Variants in ARHGAP29 observed in about 807,000 individuals in gnomAD.
The protein encoded by ARHGAP29 is rho GTPase-activating protein 29.
A neutral mutation model predicts 122.6 loss-of-function variants in ARHGAP29; 43 were observed. The ratio of observed to expected loss-of-function variants is 0.35; its 90% CI spans 0.27 to 0.45. The LOEUF is 0.45. ARHGAP29 is among the 20% of genes least tolerant of loss of function. ARHGAP29 has a pLI of 1.00. For synonymous variants in ARHGAP29, 506 were observed against 497.1 expected, an observed-to-expected ratio of 1.02 and a Z score of -0.24; for missense variants, 1,303 against 1,477.2, an observed-to-expected ratio of 0.88 and a Z score of 1.93.
Position 94,215,890 on chromosome 1 carries a change from C to T in ARHGAP29, c.340+4368G>A, listed in dbSNP as rs1651931447. Among the ~76,000 whole-genome samples the T allele has an allele frequency of 2.0e-5, 3 of 151,942 alleles. No homozygotes were observed. In the South Asian group the frequency reaches 6.2e-4, roughly 32 times the overall value. Reference sequence around the variant, plus strand: ...AGGAGACCTACCAGCAAAAGAAAAGCAGATAAAAGGTCAATTAACATAAAA... The same window carrying T: ...AGGAGACCTACCAGCAAAAGAAAAGTAGATAAAAGGTCAATTAACATAAAA... On this transcript the variant is annotated intron_variant, in intron 3 of 22. Transcript: ENST00000260526.
Position 94,258,080 on chromosome 1 carries a change from A to T in ARHGAP29, c.-33+16932T>A, listed in dbSNP as rs779770474. 8.0e-4 allele frequency among the ~76,000 whole-genome samples: 122 copies of T among 152,292 alleles called. 1 individual carries two copies. The highest frequency in any genetic ancestry group is 3.4e-4 in the Non-Finnish European group (23 of 68,024). ...AGAAGCTCAAAACTCAAAACCCTAG[A>T]CAAACAGAGAGACAAGACCTCCTGC... On this transcript the variant is annotated intron_variant and NMD_transcript_variant, in intron 1 of 25. Transcript: ENST00000552844.
intron 5 of ARHGAP29, among the ~76,000 whole-genome samples, chr1:94,208,012 T>C (rs1487785037): frequency 6.6e-6 from 1 of 152,108 alleles, no homozygotes; most frequent in African/African-American, 2.4e-5. Flanking sequence ...ATCTGGCTAA[T>C]TTTTTGTAGG....
At chr1:94,268,392 C>T (rs1231981138) in intron 1 of ARHGAP29, among the ~76,000 whole-genome samples, 3 of 152,120 alleles carry the variant, frequency 2.0e-5, no homozygotes, top group Non-Finnish European at 2.9e-5. Flanking sequence ...CTCCCCTACT[C>T]CTGCCACATC....
chr1:94,256,180 T>G (rs1416020361), intron 1 of ARHGAP29, among the ~76,000 whole-genome samples: 1 of 152,240 alleles, frequency 6.6e-6, no homozygotes, highest in Non-Finnish European at 1.5e-5. Flanking sequence ...AGCAGGACTC[T>G]CTCCGACATA....
the ARHGAP29 span, among the ~76,000 whole-genome samples, chr1:94,300,697 C>T: frequency 1.3e-5 from 2 of 152,150 alleles, no homozygotes; most frequent in East Asian, 3.9e-4. Context: ...GATAGGGGAC[C>T]ATATTTATTT....
At chr1:94,239,510 GA>G (rs1466028264), upstream of ARHGAP29, among the ~76,000 whole-genome samples, 3 of 151,846 alleles carry the variant, frequency 2.0e-5, no homozygotes, top group Non-Finnish European at 4.4e-5. Context: ...GAAAAGCAGG[GA>G]AAGAGAGACA....
In ARHGAP29 at chr1:94,186,554, A is replaced by G. The variant is rs1016959845; in HGVS notation, c.1725T>C (p.Thr575=). 2 of 1,613,844 alleles carry G rather than the reference A, an allele frequency of 1.2e-6. No homozygotes were observed. Among genetic ancestry groups the G allele is most frequent in the Non-Finnish European group, 1.7e-6 (2 of 1,179,804 alleles). ...CATCTAGATCATCTGCAGAGGACAT[A>G]GTTCCACTGGATGGTGTTCGTGGAA... ...RKLPRTPSSG[T]MSSADDLDER... Residue 575 remains threonine (T), a synonymous_variant, in exon 16 of 23, where the codon ACT becomes ACC. Coordinates refer to ENST00000260526, the MANE Select transcript of ARHGAP29 (RefSeq NM_004815.4).
At chr1:94,193,661 C>T (rs1650265320) in intron 12 of ARHGAP29, 1 of 152,152 alleles carries the variant, frequency 6.6e-6, no homozygotes, top group African/African-American at 2.4e-5. Flanking sequence ...AGTGAAAGAA[C>T]TGATTTCTGT....
At chr1:94,212,725 A>G (rs763726729) in intron 3 of ARHGAP29, among the ~76,000 whole-genome samples, 1 of 152,198 alleles carries the variant, frequency 6.6e-6, no homozygotes, top group East Asian at 1.9e-4. Context: ...AGTTATAGCC[A>G]TCTAATGAAA....
intron 3 of ARHGAP29, among the ~76,000 whole-genome samples, chr1:94,215,556 A>C (rs1169694587): frequency 6.6e-6 from 1 of 152,144 alleles, no homozygotes; most frequent in Non-Finnish European, 1.5e-5. Flanking sequence ...GTGACATCTC[A>C]AATTAGTGGC....
chr1:94,191,741 T>C (rs998388307), intron 12 of ARHGAP29: 11 of 152,224 alleles, frequency 7.2e-5, no homozygotes, highest in Admixed American at 7.2e-4. Context: ...ATGTAGATTA[T>C]GGTTCTAAGG....
chr1:94,200,309 T>C (rs1650759597), intron 12 of ARHGAP29, among the ~76,000 whole-genome samples: 1 of 152,184 alleles, frequency 6.6e-6, no homozygotes, highest in African/African-American at 2.4e-5. Context: ...AGATGCTCAA[T>C]ATCGTTAATC....
chr1:94,221,678 T>A (rs1048670859), intron 2 of ARHGAP29, among the ~76,000 whole-genome samples: 5 of 150,984 alleles, frequency 3.3e-5, no homozygotes, highest in African/African-American at 1.2e-4. Context: ...TATGTATATA[T>A]GTATATATAA....
At chr1:94,285,830 G>A in the ARHGAP29 span, among the ~76,000 whole-genome samples, 1 of 143,242 alleles carries the variant, frequency 7.0e-6, no homozygotes, top group Admixed American at 7.3e-5. Flanking sequence ...AGCCAAGATT[G>A]CGCCACTATA....
intron 22 of ARHGAP29, chr1:94,177,282 T>C (rs1439785481): frequency 2.6e-5 from 5 of 194,650 alleles, no homozygotes; most frequent in Non-Finnish European, 2.1e-5. Flanking sequence ...AACTGGAAGA[T>C]ACTAACGAAT....
intron 1 of ARHGAP29, among the ~76,000 whole-genome samples, chr1:94,273,115 T>C (rs960160455): frequency 6.6e-6 from 1 of 152,190 alleles, no homozygotes; most frequent in Non-Finnish European, 1.5e-5. Flanking sequence ...GATGAGTACT[T>C]AAAGGATTGA....
chr1:94,293,108 G>C, the ARHGAP29 span, among the ~76,000 whole-genome samples: 2 of 152,260 alleles, frequency 1.3e-5, no homozygotes, highest in African/African-American at 4.8e-5. Context: ...AGCTGTGGTG[G>C]GCTCCGCCCA....
chr1:94,196,261 T>C (rs919140163), intron 12 of ARHGAP29, among the ~76,000 whole-genome samples: 4 of 123,528 alleles, frequency 3.2e-5, no homozygotes, highest in African/African-American at 9.8e-5. Flanking sequence ...TTTTTCTTTT[T>C]TTTTTTTTTT....
chr1:94,187,300 T>G (rs550911992), intron 15 of ARHGAP29, among the ~76,000 whole-genome samples: 2 of 152,180 alleles, frequency 1.3e-5, no homozygotes, highest in African/African-American at 4.8e-5. Context: ...ACGTTTCAAA[T>G]TCAGAGTTAG....
Sources: allele counts gnomAD v4.1 joint callset (sites outside exome capture counted in the v4.1 genomes callset), GRCh38; gene constraint gnomAD v4.1.1; transcripts MANE v1.5; gene names NCBI Gene and HGNC (gene_info 2026-07-23, HGNC 2026-07-21).